Variants in STS observed in about 807,000 individuals in gnomAD.
STS encodes steryl-sulfatase.
Under a neutral mutation model 26.8 loss-of-function variants are expected in STS, and 7 were observed. The ratio of observed to expected loss-of-function variants is 0.26; its 90% confidence interval spans 0.15 to 0.49. The LOEUF is 0.49. Ranked by LOEUF, STS falls within the 20% of genes least tolerant of loss-of-function variation. The probability of loss-of-function intolerance (pLI) is 0.98; values close to 1 mark genes in which losing one functional copy is unlikely to be tolerated. For synonymous variants in STS, 199 were observed against 189.4 expected (o/e 1.05, Z -0.42); for missense variants, 434 against 465.6 (o/e 0.93, Z 0.63).
intron 2 of STS, among the ~76,000 whole-genome samples, chrX:7,205,207 C>G (rs1223895752): frequency 8.9e-6 from 1 of 112,626 alleles, no homozygotes; most frequent in East Asian, 2.8e-4. Context: ...TTCCAGTTTA[C>G]TTTGAAAGAA....
At chrX:7,169,394 C>G (rs768526070) in intron 1 of STS, among the ~76,000 whole-genome samples, 1 of 112,256 alleles carries the variant, frequency 8.9e-6, no homozygotes, top group South Asian at 3.7e-4. Context: ...AATTTCATTC[C>G]TTTTCATTGC....
chrX:7,213,696 C>T lies in STS; in HGVS notation c.-5+22688C>T, dbSNP rs781196748. 5.4e-4 allele frequency among the ~76,000 whole-genome samples: 60 copies of T among 111,699 alleles called. 1 individual carries two copies. Among genetic ancestry groups the T allele is most frequent in the Non-Finnish European group, 8.7e-4 (46 of 53,063 alleles). On this transcript the variant is annotated intron_variant, in intron 2 of 10. Coordinates refer to ENST00000674429, the MANE Select transcript of STS (RefSeq NM_001320752.2). Reference sequence around the variant, plus strand: ...CCAAGCTCAGGAAAGGAACAATTTACAGTCACCCTCCCAGGCTGCTCCTGA... The same window carrying T: ...CCAAGCTCAGGAAAGGAACAATTTATAGTCACCCTCCCAGGCTGCTCCTGA...
intron 1 of STS, among the ~76,000 whole-genome samples, chrX:7,174,291 C>T (rs748825625): frequency 9.0e-6 from 1 of 111,382 alleles, no homozygotes; most frequent in Non-Finnish European, 1.9e-5. Flanking sequence ...CCCAAAGATA[C>T]TGATAAGACT....
intron 7 of STS, among the ~76,000 whole-genome samples, chrX:7,284,175 T>TGGACTG (rs1215376020): frequency 8.9e-6 from 1 of 112,212 alleles, no homozygotes; most frequent in African/African-American, 3.2e-5. Context: ...AGAACCATTA[T>TGGACTG]GGACTGCTCA....
chrX:7,238,121 G>GGTGTGT (rs55819541), intron 2 of STS, among the ~76,000 whole-genome samples: 2,161 of 88,475 alleles, frequency 0.024, 45 homozygotes, highest in African/African-American at 0.064. Flanking sequence ...AGTATTCCAT[G>GGTGTGT]GTGTGTGTGT....
intron 2 of STS, among the ~76,000 whole-genome samples, chrX:7,223,329 T>G (rs1921657568): frequency 8.9e-6 from 1 of 112,346 alleles, no homozygotes; most frequent in African/African-American, 3.2e-5. Flanking sequence ...CCATACCGTT[T>G]TCCATAGAGG....
chrX:7,323,030 A>AT (rs1343371641), intron 8 of STS, among the ~76,000 whole-genome samples: 2 of 111,598 alleles, frequency 1.8e-5, no homozygotes, highest in East Asian at 2.8e-4. Context: ...GATAATAGCC[A>AT]TTTTTTGTGC....
At chrX:7,159,507 C>A (rs1933200457) in intron 1 of STS, among the ~76,000 whole-genome samples, 1 of 112,312 alleles carries the variant, frequency 8.9e-6, no homozygotes, top group Admixed American at 9.5e-5. Context: ...AAATAATCAT[C>A]ACTGTTTGTC....
chrX:7,305,305 G>A, intron 8 of STS, 122 bp downstream of exon 8: 1 of 927,600 alleles, frequency 1.1e-6, no homozygotes, highest in Non-Finnish European at 1.5e-6. Flanking sequence ...ACTTCCTTGT[G>A]TCATGGAGAC....
chrX:7,257,233 T>G lies in STS; in HGVS notation c.138-9T>G, dbSNP rs773710811. On this transcript the variant is annotated splice_polypyrimidine_tract_variant and intron_variant, in intron 3 of 10. Coordinates refer to ENST00000674429, the MANE Select transcript of STS (RefSeq NM_001320752.2). The stretch of plus-strand genomic sequence containing the variant: ...AATGATCACAAATGCTATGATTCTT[T>G]TGTTCTAGGACTCCCAATATCGACC... 9.9e-6 allele frequency: 12 copies of G among 1,209,286 alleles called. No individual in the cohort carries two copies. Among genetic ancestry groups the G allele is most frequent in the Middle Eastern group, 5.9e-4 (2 of 3,385 alleles).
rs1194077189 is a variant in STS, at chrX:7,204,519, T to TCCTC, written c.-5+13529_-5+13532dup. Reference sequence around the variant, plus strand: ...TTCCTCCCTCCCTCCTTTCCTCCCTTCCTCCCTCCCTCCCTCCCTCCTTTC... The same window carrying TCCTC: ...TTCCTCCCTCCCTCCTTTCCTCCCTTCCTCCCTCCCTCCCTCCCTCCCTCCTTTC... On this transcript the variant is annotated intron_variant, in intron 2 of 10. Transcript: ENST00000674429. Among the ~76,000 whole-genome samples, 5 of 88,314 alleles carry TCCTC rather than the reference T, an allele frequency of 5.7e-5. No individual in the cohort carries two copies. In the East Asian group the frequency reaches 1.7e-3, roughly 30 times the overall value. 76.7% of individuals were successfully genotyped at this position (88,314 alleles called of 115,157 possible). A position where few individuals can be genotyped will look rare whatever the true frequency, so the allele number is the denominator to read the frequency against.
chrX:7,304,788 C>G (rs2147139544), intron 7 of STS, among the ~76,000 whole-genome samples: 1 of 111,653 alleles, frequency 9.0e-6, no homozygotes, highest in African/African-American at 3.2e-5. Context: ...TCAGGTCTCC[C>G]TGCAGAATCA....
chrX:7,214,992 GTATATATACATATATACGTA>G (rs1214836460), intron 2 of STS, among the ~76,000 whole-genome samples: 5 of 66,917 alleles, frequency 7.5e-5, no homozygotes, highest in Admixed American at 2.3e-4. Flanking sequence ...ATATATATAC[GTATATATACATATATACGTA>G]TATATATATA....
intron 8 of STS, among the ~76,000 whole-genome samples, chrX:7,320,241 G>C (rs1234934243): frequency 9.6e-6 from 1 of 104,120 alleles, no homozygotes; most frequent in Non-Finnish European, 1.9e-5. Context: ...TACAAAGGTA[G>C]TACAGAGGTA....
intron 2 of STS, among the ~76,000 whole-genome samples, chrX:7,245,248 C>T (rs1381842252): frequency 9.0e-6 from 1 of 111,629 alleles, no homozygotes; most frequent in East Asian, 2.8e-4. Flanking sequence ...TTAAAAACCT[C>T]TAGTGTGTCT....
At chrX:7,183,167 A>T (rs1357140534) in intron 1 of STS, among the ~76,000 whole-genome samples, 2 of 111,586 alleles carry the variant, frequency 1.8e-5, no homozygotes, top group Non-Finnish European at 3.8e-5. Flanking sequence ...ATCCAGGTTG[A>T]TATTTATAAG....
intron 6 of STS, among the ~76,000 whole-genome samples, chrX:7,263,060 G>T (rs1923823723): frequency 8.9e-6 from 1 of 112,132 alleles, no homozygotes; most frequent in Non-Finnish European, 1.9e-5. Flanking sequence ...TTATGCAGCT[G>T]TACGTTTGTA....
intron 10 of STS, among the ~76,000 whole-genome samples, chrX:7,335,000 T>C (rs185086491): frequency 5.9e-4 from 66 of 112,681 alleles, no homozygotes; most frequent in Non-Finnish European, 9.0e-4. Context: ...CTTAATCCAG[T>C]CTATCATTGT....
At chrX:7,337,589 T>G (rs767029894) in intron 10 of STS, among the ~76,000 whole-genome samples, 2 of 112,260 alleles carry the variant, frequency 1.8e-5, no homozygotes, top group African/African-American at 3.2e-5. Flanking sequence ...TCAGAATACT[T>G]TATTAGAAAA....
Sources: gnomAD v4.1 joint callset for allele counts (sites outside exome capture counted in the v4.1 genomes callset) on GRCh38, gnomAD v4.1.1 for gene constraint, MANE v1.5 for transcripts, NCBI Gene and HGNC (gene_info 2026-07-23, HGNC 2026-07-21) for gene names.